The following FARP1 variants were observed in gnomAD, a reference collection of about 807,000 sequenced individuals.
FARP1 encodes FERM, ARHGEF and pleckstrin domain-containing protein 1.
In FARP1, 52 loss-of-function variants were observed where a neutral mutation model predicts 128.8. The ratio of observed to expected loss-of-function variants is 0.40; its 90% confidence interval spans 0.32 to 0.51. The LOEUF is 0.51. Among genes scored for constraint, FARP1 ranks in the 20% least tolerant of loss-of-function variants. The pLI is 0.45. For missense variants in FARP1, 1,333 were observed against 1,367.9 expected (o/e 0.97, Z 0.40); for synonymous variants, 580 against 551.8 (o/e 1.05, Z -0.72).
chr13:98,448,978 G>GTAAC lies in FARP1; in HGVS notation c.*663_*666dup, dbSNP rs753830018. Reference sequence around the variant, plus strand: ...CAAGTTGACCAAATCGTTTTAAGTGGTAACTCTTTCCAACCGTAGCAGGGT... The same window carrying GTAAC: ...CAAGTTGACCAAATCGTTTTAAGTGGTAACTAACTCTTTCCAACCGTAGCAGGGT... On this transcript the variant is annotated 3_prime_UTR_variant, in exon 27 of 27. Transcript: ENST00000319562. 4.6e-5 allele frequency: 7 copies of GTAAC among 152,192 alleles called. No homozygotes were observed. Among genetic ancestry groups the GTAAC allele is most frequent in the Non-Finnish European group, 7.3e-5 (5 of 68,074 alleles). The allele number at this position is 152,192 out of a possible 1,614,324, so 9.4% of individuals were successfully genotyped here.
rs191447933 is a variant in FARP1 at position 98,452,297 on chromosome 13, C to T, written c.*3980C>T. On this transcript the variant is annotated 3_prime_UTR_variant, in exon 27 of 27. Coordinates refer to ENST00000319562, the MANE Select transcript of FARP1 (RefSeq NM_005766.4). Reference sequence around the variant, plus strand: ...CATCTGGCGCAGACCAGCAGTGGCACGATTCCAAACAAATGTCAGACGAGA... The same window carrying T: ...CATCTGGCGCAGACCAGCAGTGGCATGATTCCAAACAAATGTCAGACGAGA... 1.4e-4 allele frequency: 21 copies of T among 152,464 alleles called. No homozygotes were observed. Among genetic ancestry groups the T allele is most frequent in the East Asian group, 3.9e-4 (2 of 5,184 alleles). The allele number at this position is 152,464 out of a possible 1,614,324, so 9.4% of individuals were successfully genotyped here. A position where few individuals can be genotyped will look rare whatever the true frequency, so the allele number is the denominator to read the frequency against.
chr13:98,212,772 C>T (rs143023766), intron 1 of FARP1, among the ~76,000 whole-genome samples: 49 of 152,200 alleles, frequency 3.2e-4, no homozygotes, highest in African/African-American at 1.1e-3. Flanking sequence ...ATTATTAGCC[C>T]GAGCTCTGCA....
At chr13:98,200,110 G>A (rs1253152540) in intron 1 of FARP1, among the ~76,000 whole-genome samples, 1 of 152,184 alleles carries the variant, frequency 6.6e-6, no homozygotes, top group Non-Finnish European at 1.5e-5. Context: ...GAACAAGGTT[G>A]GAGTAGAAAT....
At chr13:98,289,947 T>C (rs957559666) in intron 2 of FARP1, among the ~76,000 whole-genome samples, 16 of 152,210 alleles carry the variant, frequency 1.1e-4, no homozygotes, top group African/African-American at 3.6e-4. Flanking sequence ...ATAGGTTTCC[T>C]GATGCAAAGG....
At chr13:98,330,809 G>A (rs187104434) in intron 2 of FARP1, among the ~76,000 whole-genome samples, 36 of 152,230 alleles carry the variant, frequency 2.4e-4, no homozygotes, top group Non-Finnish European at 4.1e-4. Context: ...TAAGCTGCGT[G>A]GTATCCCAGT....
intron 2 of FARP1, among the ~76,000 whole-genome samples, chr13:98,246,599 C>T (rs1465620451): frequency 2.6e-5 from 4 of 151,984 alleles, no homozygotes; most frequent in Non-Finnish European, 5.9e-5. Flanking sequence ...TGTGTGTTTA[C>T]ATACTATACT....
chr13:98,436,448 G>T (rs1202219455), intron 19 of FARP1, among the ~76,000 whole-genome samples: 1 of 152,182 alleles, frequency 6.6e-6, no homozygotes, highest in Non-Finnish European at 1.5e-5. Flanking sequence ...TTACCCTGTG[G>T]CGCCCCCATT....
intron 1 of FARP1, among the ~76,000 whole-genome samples, chr13:98,204,872 C>T (rs9513371): frequency 0.067 from 10,123 of 152,094 alleles, 414 homozygotes; most frequent in Non-Finnish European, 0.091. Context: ...CGCTTGAGCC[C>T]AGGAGCTCGA....
At chr13:98,438,753 C>A in intron 19 of FARP1, 51 bp from the exon 20 acceptor site, 2 of 1,494,144 alleles carry the variant, frequency 1.3e-6, no homozygotes, top group Non-Finnish European at 1.9e-6. Context: ...GGCCGTCAGC[C>A]CTTGGGGTCC....
chr13:98,240,446 G>C (rs1307681132), intron 2 of FARP1, among the ~76,000 whole-genome samples: 1 of 152,178 alleles, frequency 6.6e-6, no homozygotes, highest in African/African-American at 2.4e-5. Flanking sequence ...GCTGGCAGCT[G>C]TTCTGAGAGA....
intron 2 of FARP1, among the ~76,000 whole-genome samples, chr13:98,217,666 G>C (rs924611713): frequency 1.3e-5 from 2 of 152,164 alleles, no homozygotes; most frequent in Non-Finnish European, 2.9e-5. Context: ...AACTCCCATG[G>C]CTCATCTCAA....
intron 16 of FARP1, among the ~76,000 whole-genome samples, chr13:98,420,470 G>A (rs1311559993): frequency 6.6e-6 from 1 of 152,176 alleles, no homozygotes; most frequent in Non-Finnish European, 1.5e-5. Context: ...TCACGTTGTG[G>A]TGAACGAAGT....
intron 21 of FARP1, among the ~76,000 whole-genome samples, chr13:98,439,747 T>C (rs1381039070): frequency 6.6e-6 from 1 of 152,212 alleles, no homozygotes; most frequent in East Asian, 1.9e-4. Flanking sequence ...GTTTGTGGGC[T>C]CTGCCAAAAA....
intron 1 of FARP1, among the ~76,000 whole-genome samples, chr13:98,168,875 GA>G (rs1877460781): frequency 6.6e-6 from 1 of 152,142 alleles, no homozygotes; most frequent in African/African-American, 2.4e-5. Flanking sequence ...GGGCAGGGGG[GA>G]TCAGCTCTCA....
intron 8 of FARP1, 40 bp downstream of exon 8, chr13:98,385,854 A>G (rs778322689): frequency 6.2e-7 from 1 of 1,602,332 alleles, no homozygotes; most frequent in South Asian, 1.1e-5. Context: ...CCTTGGTGAC[A>G]GAGAGAGAAG....
intron 13 of FARP1, 149 bp downstream of exon 13, chr13:98,395,625 T>C (rs1393335275): frequency 2.0e-6 from 2 of 994,672 alleles, no homozygotes; most frequent in Non-Finnish European, 2.9e-6. Context: ...ATGACAATTA[T>C]GAGGGTGATC....
chr13:98,244,744 C>G lies in FARP1; in HGVS notation c.171+31331C>G, dbSNP rs189848744. ...TGAAGTCCTGTTTCATTATTTCATT[C>G]AAAGAAATTGATTGGCAATGGCCAG... is the stretch of plus-strand genomic sequence containing the variant. On this transcript the variant is annotated intron_variant, in intron 2 of 26. Transcript: ENST00000319562. 1,041 of 1,602,792 alleles carry G rather than the reference C, an allele frequency of 6.5e-4. 10 individuals are homozygous for G. In the African/African-American group the frequency reaches 0.012, roughly 19 times the overall value.
At chr13:98,420,954 G>C (rs1480677952) in intron 16 of FARP1, among the ~76,000 whole-genome samples, 1 of 152,238 alleles carries the variant, frequency 6.6e-6, no homozygotes, top group Non-Finnish European at 1.5e-5. Flanking sequence ...CCCTGGGGCT[G>C]TGTCCTGTGT....
chr13:98,454,706 C>A lies in FARP1; in HGVS notation c.*6389C>A, dbSNP rs376765510. On this transcript the variant is annotated 3_prime_UTR_variant, in exon 27 of 27. Transcript: ENST00000319562. The stretch of plus-strand genomic sequence containing the variant: ...AACAACATGTTTGGAGCAAAACTGG[C>A]AGGAAGTCTAAGCCATGGCCACCGT... 6.6e-6 allele frequency: 1 copy of A among 152,316 alleles called. No individual in the cohort carries two copies. The highest frequency in any genetic ancestry group is 1.9e-4 in the East Asian group (1 of 5,188). 9.4% of individuals were successfully genotyped at this position (152,316 alleles called of 1,614,324 possible).
Sources: allele counts gnomAD v4.1 joint callset (sites outside exome capture counted in the v4.1 genomes callset), GRCh38; gene constraint gnomAD v4.1.1; transcripts MANE v1.5; gene names NCBI Gene and HGNC (gene_info 2026-07-23, HGNC 2026-07-21).